The following DMD variants were observed in gnomAD, a reference collection of about 807,000 sequenced individuals.
DMD encodes mutant dystrophin.
DMD carries 63 observed loss-of-function variants against 330.1 expected under a neutral mutation model. The ratio of observed to expected loss-of-function variants is 0.19; its 90% CI spans 0.16 to 0.24. The LOEUF is 0.24. Among genes scored for constraint, DMD ranks in the 10% least tolerant of loss-of-function variants. DMD has a pLI of 1.00. For synonymous variants in DMD, 1,223 were observed against 959.8 expected (o/e 1.27, Z -5.07); for missense variants, 3,344 against 2,684.1 (o/e 1.25, Z -5.43).
chrX:31,174,194 T>C (rs949305981), intron 71 of DMD, among the ~76,000 whole-genome samples: 2 of 111,552 alleles, frequency 1.8e-5, no homozygotes, highest in Admixed American at 9.5e-5. Flanking sequence ...TAGCACAAAA[T>C]AGAATGACCC....
In DMD at chrX:32,042,190, T is replaced by TATAC. The variant is rs1557089198; in HGVS notation, c.6439-73677_6439-73676insGTAT. Among the ~76,000 whole-genome samples, 501 of 82,851 alleles carry TATAC rather than the reference T, an allele frequency of 6.0e-3. 12 individuals are homozygous for TATAC. The highest frequency in any genetic ancestry group is 0.014 in the African/African-American group (313 of 22,105). The allele number at this position is 82,851 out of a possible 115,157, so 71.9% of individuals were successfully genotyped here. A position where few individuals can be genotyped will look rare whatever the true frequency, so the allele number is the denominator to read the frequency against. On this transcript the variant is annotated intron_variant, in intron 44 of 78. Coordinates refer to ENST00000357033, the MANE Select transcript of DMD (RefSeq NM_004006.3). ...ATATGTATACATATATACATACATA[T>TATAC]ACACACACACACACATACACATACA...
intron 26 of DMD, among the ~76,000 whole-genome samples, chrX:32,452,109 G>A (rs2098332105): frequency 9.3e-6 from 1 of 108,019 alleles, no homozygotes; most frequent in African/African-American, 3.4e-5. Context: ...GAGGGAAGAG[G>A]GCCAGAAGAG....
chrX:32,329,350 GT>G (rs1373496345), intron 41 of DMD, among the ~76,000 whole-genome samples: 1 of 112,098 alleles, frequency 8.9e-6, no homozygotes, highest in Non-Finnish European at 1.9e-5. Flanking sequence ...ATCCTGCAAT[GT>G]GACGGGAGAC....
At chrX:32,692,367 G>C (rs764791201) in intron 9 of DMD, among the ~76,000 whole-genome samples, 1 of 111,581 alleles carries the variant, frequency 9.0e-6, no homozygotes, top group African/African-American at 3.3e-5. Context: ...ATGTATAAAG[G>C]CTTCCTCGAA....
chrX:33,322,857 A>G (rs1203750915), intron 1 of DMD, among the ~76,000 whole-genome samples: 1 of 111,945 alleles, frequency 8.9e-6, no homozygotes, highest in Non-Finnish European at 1.9e-5. Context: ...AAATTTTTCA[A>G]TGGCAAAATG....
intron 2 of DMD, among the ~76,000 whole-genome samples, chrX:32,969,458 A>G: frequency 1.1e-5 from 1 of 93,476 alleles, no homozygotes; most frequent in Non-Finnish European, 2.0e-5. Flanking sequence ...CATAGATAAA[A>G]TACTTGCCCA....
chrX:31,489,067 T>A (rs1156474711), intron 57 of DMD, among the ~76,000 whole-genome samples: 1 of 112,447 alleles, frequency 8.9e-6, no homozygotes, highest in East Asian at 2.8e-4. Context: ...ATTGGGCTTT[T>A]GAATTTGGTG....
chrX:32,645,276 C>A lies in DMD; in HGVS notation c.961-124G>T, dbSNP rs72470510. 15 of 706,322 alleles carry A rather than the reference C, an allele frequency of 2.1e-5. No homozygotes were observed. In the African/African-American group the frequency reaches 2.8e-4, roughly 13 times the overall value. 58.2% of individuals were successfully genotyped at this position (706,322 alleles called of 1,213,427 possible). A position where few individuals can be genotyped will look rare whatever the true frequency, so the allele number is the denominator to read the frequency against. On this transcript the variant is annotated intron_variant, in intron 9 of 78. Transcript: ENST00000357033. Reference sequence around the variant, plus strand: ...GACTGTCCACTGGCATTATCAAACACAGGAACAGCAGATACAGACAATAGG... The same window carrying A: ...GACTGTCCACTGGCATTATCAAACAAAGGAACAGCAGATACAGACAATAGG...
chrX:32,606,948 G>A (rs759905210), intron 12 of DMD, among the ~76,000 whole-genome samples: 4 of 109,298 alleles, frequency 3.7e-5, no homozygotes, highest in Non-Finnish European at 7.7e-5. Flanking sequence ...GGTACACACG[G>A]ACATCTAGAG....
intron 1 of DMD, chrX:33,128,168 C>A: frequency 8.3e-7 from 1 of 1,206,965 alleles, no homozygotes; most frequent in Non-Finnish European, 1.1e-6. Flanking sequence ...TCAGACATTT[C>A]AAATTCTGCG....
At chrX:32,581,612 T>A (rs936563869) in intron 13 of DMD, among the ~76,000 whole-genome samples, 2 of 112,187 alleles carry the variant, frequency 1.8e-5, no homozygotes, top group Non-Finnish European at 3.8e-5. Flanking sequence ...AAATGTAATG[T>A]TGAAATTCCA....
At chrX:32,740,281 CTGAGA>C (rs780153303) in intron 7 of DMD, among the ~76,000 whole-genome samples, 5 of 110,083 alleles carry the variant, frequency 4.5e-5, no homozygotes, top group South Asian at 3.9e-4. Context: ...TTTTGAGTCG[CTGAGA>C]TATCAGAATT....
intron 42 of DMD, among the ~76,000 whole-genome samples, chrX:32,297,283 T>C (rs2097501878): frequency 9.3e-6 from 1 of 108,064 alleles, no homozygotes; most frequent in African/African-American, 3.4e-5. Flanking sequence ...TATTTATTTA[T>C]TTATTTTGGA....
chrX:32,406,833 T>C (rs964089043), intron 30 of DMD, among the ~76,000 whole-genome samples: 1 of 111,400 alleles, frequency 9.0e-6, no homozygotes, highest in East Asian at 2.8e-4. Flanking sequence ...TATCTACAAC[T>C]ATCTGATCTT....
At chrX:31,786,883 C>T (rs1241891735) in intron 50 of DMD, among the ~76,000 whole-genome samples, 1 of 111,908 alleles carries the variant, frequency 8.9e-6, no homozygotes, top group East Asian at 2.8e-4. Flanking sequence ...CTGCCCAATA[C>T]TGCCTCCTTC....
In DMD at chrX:33,246,091, C is replaced by T. The variant is rs754509626; in HGVS notation, c.7+93168G>A. Among the ~76,000 whole-genome samples the T allele has an allele frequency of 6.8e-4, 76 of 112,049 alleles. 1 individual carries two copies. Among genetic ancestry groups the T allele is most frequent in the Non-Finnish European group, 1.3e-3 (67 of 53,213 alleles). ...ATATCCCCATTGGTTGTGACCTAAT[C>T]GTTTTTAAATACGTACATTACATTT... On this transcript the variant is annotated intron_variant, in intron 1 of 17. Coordinates refer to the DMD transcript ENST00000288447.
intron 7 of DMD, among the ~76,000 whole-genome samples, chrX:32,764,493 ACTTTAT>A (rs1421107850): frequency 9.0e-6 from 1 of 111,026 alleles, no homozygotes; most frequent in African/African-American, 3.3e-5. Context: ...CCACCATTCT[ACTTTAT>A]CTATGCATTT....
At chrX:31,317,394 A>T (rs1386059256) in intron 62 of DMD, among the ~76,000 whole-genome samples, 1 of 111,653 alleles carries the variant, frequency 9.0e-6, no homozygotes, top group Non-Finnish European at 1.9e-5. Flanking sequence ...ATACTACATG[A>T]TGTGTTCACA....
At chrX:32,632,847 G>A (rs2058833716) in intron 11 of DMD, among the ~76,000 whole-genome samples, 1 of 112,471 alleles carries the variant, frequency 8.9e-6, no homozygotes. Context: ...TCTATAATGG[G>A]AGGGGCTGCC....
Sources: allele counts gnomAD v4.1 joint callset (sites outside exome capture counted in the v4.1 genomes callset), GRCh38; gene constraint gnomAD v4.1.1; transcripts MANE v1.5; gene names NCBI Gene and HGNC (gene_info 2026-07-23, HGNC 2026-07-21).